SEC31A: variants seen among roughly 807,000 people sequenced by gnomAD.
The protein encoded by SEC31A is protein transport protein Sec31A.
In SEC31A, 70 loss-of-function variants were observed where a neutral mutation model predicts 151.0. The observed-to-expected ratio is 0.46, with a 90% CI of 0.38 to 0.57. The LOEUF is 0.57. Among genes scored for constraint, SEC31A ranks in the 20% least tolerant of loss-of-function variants. SEC31A has a pLI of 0.00. For synonymous variants in SEC31A, 475 were observed against 505.9 expected (o/e 0.94, Z 0.82); for missense variants, 1,330 against 1,471.2 (o/e 0.90, Z 1.57).
intron 14 of SEC31A, among the ~76,000 whole-genome samples, chr4:82,860,875 C>T (rs1431985447): frequency 6.6e-6 from 1 of 151,980 alleles, no homozygotes; most frequent in Non-Finnish European, 1.5e-5. Flanking sequence ...TTTTTGCAAT[C>T]ATCTTGTAAT....
intron 19 of SEC31A, 32 bp downstream of exon 19, chr4:82,851,399 C>G (rs1317991377): frequency 1.3e-6 from 2 of 1,584,426 alleles, no homozygotes; most frequent in Non-Finnish European, 1.7e-6. Flanking sequence ...TCACCTTACT[C>G]AAACATTACA....
At chr4:82,870,811 G>T (rs535205592) in intron 7 of SEC31A, among the ~76,000 whole-genome samples, 1 of 152,308 alleles carries the variant, frequency 6.6e-6, no homozygotes, top group African/African-American at 2.4e-5. Context: ...ACAAATACAT[G>T]GATGTTCAAT....
chr4:82,861,858 C>A, intron 13 of SEC31A, 150 bp from the exon 14 acceptor site: 1 of 427,958 alleles, frequency 2.3e-6, no homozygotes, highest in Non-Finnish European at 4.4e-6. Flanking sequence ...TTGAGAAATA[C>A]CATTAGAGGA....
At chr4:82,899,578 C>CA (rs1720219535) in intron 3 of SEC31A, 1 of 152,574 alleles carries the variant, frequency 6.6e-6, no homozygotes, top group Non-Finnish European at 1.5e-5. Flanking sequence ...CCCCAGGGAC[C>CA]AATTTTTCCA....
rs770205281 is a variant in SEC31A, at chr4:82,844,433, G to T, written c.2579C>A (p.Ser860Tyr). The T allele has an allele frequency of 6.2e-7, 1 of 1,614,082 alleles. No homozygotes were observed. The highest frequency in any genetic ancestry group is 8.5e-7 in the Non-Finnish European group (1 of 1,179,936). The change falls in exon 21 of 27, where the codon TCT (serine) becomes TAT (tyrosine). Residue 860 changes from serine to tyrosine, a missense_variant. Coordinates refer to ENST00000395310, the MANE Select transcript of SEC31A (RefSeq NM_001077207.4). ...NPNAAGQLPT[S>Y]PGHMHTQVPP... ...TACCTGGGTGTGCATATGACCTGGA[G>T]ATGTGGGAAGCTGACCAGCAGCATT...
upstream of SEC31A, chr4:82,895,184 A>C (rs1249404975): frequency 6.6e-6 from 1 of 152,242 alleles, no homozygotes; most frequent in Non-Finnish European, 1.5e-5. Flanking sequence ...ATTATTTCTA[A>C]GAAAAGATAA....
At chr4:82,849,332 A>C (rs1730927992) in intron 19 of SEC31A, among the ~76,000 whole-genome samples, 1 of 152,146 alleles carries the variant, frequency 6.6e-6, no homozygotes, top group Admixed American at 6.5e-5. Flanking sequence ...ACTATAACTA[A>C]GGCCAGGCGC....
At chr4:82,840,368 T>C (rs1578177947) in intron 22 of SEC31A, among the ~76,000 whole-genome samples, 1 of 152,268 alleles carries the variant, frequency 6.6e-6, no homozygotes, top group Non-Finnish European at 1.5e-5. Context: ...AAGGATACTA[T>C]CTTCAGTCAC....
chr4:82,866,710 C>T (rs1735482721), intron 10 of SEC31A, 98 bp downstream of exon 10: 2 of 1,097,268 alleles, frequency 1.8e-6, no homozygotes, highest in African/African-American at 1.6e-5. Flanking sequence ...CAAATCCCAA[C>T]TTAAACCCTG....
chr4:82,823,417 A>G (rs923621975), intron 25 of SEC31A, among the ~76,000 whole-genome samples: 2 of 152,170 alleles, frequency 1.3e-5, no homozygotes, highest in African/African-American at 4.8e-5. Flanking sequence ...CCAGAATGTC[A>G]GGCACTAAGG....
At chr4:82,865,335 T>G (rs1735072705) in intron 10 of SEC31A, among the ~76,000 whole-genome samples, 1 of 151,994 alleles carries the variant, frequency 6.6e-6, no homozygotes, top group South Asian at 2.1e-4. Context: ...TATAAAATGG[T>G]ATGGAGGTTC....
chr4:82,824,714 A>C, intron 24 of SEC31A, 40 bp from the exon 25 acceptor site: 1 of 1,602,778 alleles, frequency 6.2e-7, no homozygotes, highest in Non-Finnish European at 8.5e-7. Context: ...AAATGACCAG[A>C]AGCTACCTTA....
rs371779899 is a variant in SEC31A, at chr4:82,846,119, T to C, written c.2503-1610A>G. Among the ~76,000 whole-genome samples the C allele has an allele frequency of 7.1e-3, 1,074 of 152,128 alleles. 16 individuals are homozygous for C. The highest frequency in any genetic ancestry group is 0.025 in the African/African-American group (1,021 of 41,478). ...CCCAGGTTCATGCCATTCTCCTGCCTCAGCCTCCTGAGTAGCTGGGACTAC... is the reference window on the plus strand; with the variant it reads ...CCCAGGTTCATGCCATTCTCCTGCCCCAGCCTCCTGAGTAGCTGGGACTAC... On this transcript the variant is annotated intron_variant, in intron 20 of 26. Transcript: ENST00000395310.
chr4:82,873,807 T>TA (rs1331402823), intron 6 of SEC31A, among the ~76,000 whole-genome samples: 1 of 151,950 alleles, frequency 6.6e-6, no homozygotes, highest in African/African-American at 2.4e-5. Flanking sequence ...TCTAATGACA[T>TA]AAAAAAATAA....
chr4:82,878,355 G>C (rs59101585), intron 4 of SEC31A, among the ~76,000 whole-genome samples: 1 of 151,664 alleles, frequency 6.6e-6, no homozygotes, highest in African/African-American at 2.4e-5. Flanking sequence ...TTAGCTGGGC[G>C]TGGTGGCAGG....
At chr4:82,863,094 T>C in intron 12 of SEC31A, 1 of 451,986 alleles carries the variant, frequency 2.2e-6, no homozygotes, top group South Asian at 3.0e-5. Context: ...GATGAAAGGC[T>C]AATACAAGTT....
At chr4:82,863,749 G>A (rs1361825120) in intron 11 of SEC31A, among the ~76,000 whole-genome samples, 3 of 152,074 alleles carry the variant, frequency 2.0e-5, no homozygotes, top group Non-Finnish European at 4.4e-5. Flanking sequence ...CTCAAACTAT[G>A]TGGAATATTC....
At chr4:82,876,249 T>C (rs1679316462) in intron 4 of SEC31A, among the ~76,000 whole-genome samples, 1 of 152,084 alleles carries the variant, frequency 6.6e-6, no homozygotes, top group African/African-American at 2.4e-5. Flanking sequence ...TAGCTAGGAT[T>C]ACAGGCATGC....
At chr4:82,871,242 A>C (rs919307490) in intron 7 of SEC31A, 1 of 1,271,978 alleles carries the variant, frequency 7.9e-7, no homozygotes, top group Non-Finnish European at 1.0e-6. Flanking sequence ...TGATTAACGA[A>C]AAAAGTTATC....
Sources: allele counts gnomAD v4.1 joint callset (sites outside exome capture counted in the v4.1 genomes callset), GRCh38; gene constraint gnomAD v4.1.1; transcripts MANE v1.5; gene names NCBI Gene and HGNC (gene_info 2026-07-23, HGNC 2026-07-21).